FAM135A: variants seen among roughly 807,000 people sequenced by gnomAD.
FAM135A encodes family with sequence similarity 135 member A, also known as protein FAM135A.
FAM135A carries 79 observed loss-of-function variants against 146.8 expected under a neutral mutation model. The observed-to-expected ratio is 0.54, with a 90% CI of 0.45 to 0.65. The LOEUF (loss-of-function observed/expected upper bound fraction) is 0.65. Ranked by LOEUF, FAM135A falls within the 30% of genes least tolerant of loss-of-function variation. The probability of loss-of-function intolerance (pLI) is 0.00; values close to 1 mark genes in which losing one functional copy is unlikely to be tolerated. For missense variants in FAM135A, 1,623 were observed against 1,758.2 expected (o/e 0.92, Z 1.38); for synonymous variants, 562 against 603.6 (o/e 0.93, Z 1.01).
rs202076605 is a variant in FAM135A at position 70,482,042 on chromosome 6, G to C, written c.711G>C (p.Ala237=). The part of the protein sequence containing the change: ...FIIADSFLHH[A]YRFHYTLCAT... Reference sequence around the variant, plus strand: ...TTGCAGACTCCTTCCTACATCATGCGTATCGTTTTCATTATACACTTTGTG... The same window carrying C: ...TTGCAGACTCCTTCCTACATCATGCCTATCGTTTTCATTATACACTTTGTG... Residue 237 remains alanine (A), a synonymous_variant, in exon 10 of 22, where the codon GCG becomes GCC. Transcript: ENST00000418814. 138 of 1,613,554 alleles carry C rather than the reference G, an allele frequency of 8.6e-5. No individual in the cohort carries two copies. In the East Asian group the frequency reaches 1.9e-3, roughly 23 times the overall value.
At chr6:70,451,081 G>A (rs1049294079) in intron 4 of FAM135A, among the ~76,000 whole-genome samples, 3 of 152,002 alleles carry the variant, frequency 2.0e-5, no homozygotes, top group Non-Finnish European at 4.4e-5. Context: ...CGACTATTCA[G>A]AGTATTTTGT....
chr6:70,505,521 TGGG>T (rs967525132), intron 12 of FAM135A, among the ~76,000 whole-genome samples: 1 of 151,688 alleles, frequency 6.6e-6, no homozygotes, highest in African/African-American at 2.4e-5. Context: ...GACACAGTAT[TGGG>T]GGGATACTAC....
At chr6:70,465,427 A>G (rs796997382) in intron 5 of FAM135A, among the ~76,000 whole-genome samples, 7 of 151,890 alleles carry the variant, frequency 4.6e-5, no homozygotes, top group African/African-American at 1.7e-4. Flanking sequence ...TATTTTTATT[A>G]TTTTTATTTT....
At chr6:70,553,396 CT>C (rs1419549422) in intron 20 of FAM135A, among the ~76,000 whole-genome samples, 2 of 152,168 alleles carry the variant, frequency 1.3e-5, no homozygotes, top group Non-Finnish European at 2.9e-5. Context: ...CCAATGTGTC[CT>C]TTATTCTCAA....
intron 12 of FAM135A, 64 bp downstream of exon 12, chr6:70,502,855 T>G: frequency 6.6e-7 from 1 of 1,505,050 alleles, no homozygotes; most frequent in South Asian, 1.3e-5. Context: ...AGAAAATTTT[T>G]ATGAAAACAA....
intron 4 of FAM135A, among the ~76,000 whole-genome samples, chr6:70,446,916 T>G (rs997425286): frequency 6.6e-6 from 1 of 152,260 alleles, no homozygotes; most frequent in African/African-American, 2.4e-5. Flanking sequence ...AATTAGAACT[T>G]GTGCTCCGCA....
At chr6:70,481,187 C>G (rs1783637373) in intron 9 of FAM135A, among the ~76,000 whole-genome samples, 160 bp downstream of exon 9, 1 of 152,080 alleles carries the variant, frequency 6.6e-6, no homozygotes, top group South Asian at 2.1e-4. Flanking sequence ...TTCTAATTGT[C>G]TATTATGAAA....
chr6:70,546,016 C>T (rs1456684276), intron 20 of FAM135A, among the ~76,000 whole-genome samples: 1 of 151,846 alleles, frequency 6.6e-6, no homozygotes, highest in Admixed American at 6.6e-5. Flanking sequence ...AAACAAGTCT[C>T]TCGAACTATT....
At chr6:70,430,917 C>T (rs1177324350) in intron 4 of FAM135A, among the ~76,000 whole-genome samples, 1 of 152,078 alleles carries the variant, frequency 6.6e-6, no homozygotes. Context: ...TAGGAGCAAC[C>T]AGTTGGCGTT....
intron 12 of FAM135A, among the ~76,000 whole-genome samples, chr6:70,507,568 TACTTG>T (rs1172952568): frequency 6.6e-6 from 1 of 152,172 alleles, no homozygotes; most frequent in East Asian, 1.9e-4. Flanking sequence ...TGTAAATCTA[TACTTG>T]AAAAGAACAA....
chr6:70,467,327 T>A (rs944509181), intron 5 of FAM135A, among the ~76,000 whole-genome samples: 12 of 151,728 alleles, frequency 7.9e-5, no homozygotes, highest in African/African-American at 1.9e-4. Context: ...AAAAAAAAAA[T>A]GACTGATTTT....
chr6:70,429,828 T>C (rs1771095325), intron 4 of FAM135A, among the ~76,000 whole-genome samples: 1 of 151,484 alleles, frequency 6.6e-6, no homozygotes, highest in African/African-American at 2.4e-5. Flanking sequence ...TAACTCAAGA[T>C]ATAAATCTGG....
chr6:70,533,827 T>C lies in FAM135A; in HGVS notation c.3938T>C (p.Ile1313Thr). Residue 1313 changes from isoleucine (I) to threonine (T), a missense_variant, in exon 18 of 22, where the codon ATA (isoleucine) becomes ACA (threonine). Around this residue, in one of 7 missense-constraint regions of FAM135A, gnomAD observed 1,061 missense variants for 1,113.8 expected, o/e 0.95. Coordinates refer to ENST00000418814, the MANE Select transcript of FAM135A (RefSeq NM_001162529.3). ...LLDEIIQYIQ[I>T]YSLTVSKISF... Reference sequence around the variant, plus strand: ...GATGAGATAATACAGTATATTCAGATATATAGTCTAACAGTCTCAAAAATA... The same window carrying C: ...GATGAGATAATACAGTATATTCAGACATATAGTCTAACAGTCTCAAAAATA... 6.4e-7 allele frequency: 1 copy of C among 1,555,182 alleles called. No individual in the cohort carries two copies. The highest frequency in any genetic ancestry group is 8.7e-7 in the Non-Finnish European group (1 of 1,151,812).
intron 10 of FAM135A, among the ~76,000 whole-genome samples, chr6:70,482,641 A>G (rs960525764): frequency 6.6e-6 from 1 of 152,146 alleles, no homozygotes; most frequent in Non-Finnish European, 1.5e-5. Flanking sequence ...TTAACATTTT[A>G]AAAATCATTG....
intron 17 of FAM135A, among the ~76,000 whole-genome samples, chr6:70,533,521 G>A (rs1377510398): frequency 6.6e-6 from 1 of 152,072 alleles, no homozygotes; most frequent in East Asian, 1.9e-4. Context: ...CATACTGGTA[G>A]TGAGCTAAAC....
At chr6:70,414,142 G>GT (rs1766954202) in intron 1 of FAM135A, 1 of 663,478 alleles carries the variant, frequency 1.5e-6, no homozygotes, top group Admixed American at 6.3e-5. Flanking sequence ...GGGAAGCAGC[G>GT]TATCTCTGTG....
intron 12 of FAM135A, chr6:70,504,539 G>A (rs894536259): frequency 6.6e-6 from 1 of 152,114 alleles, no homozygotes; most frequent in Non-Finnish European, 1.5e-5. Context: ...AAAAGATGGA[G>A]ATTTTTCAAT....
intron 12 of FAM135A, 104 bp downstream of exon 12, chr6:70,502,895 C>A: frequency 1.7e-6 from 2 of 1,148,576 alleles, no homozygotes; most frequent in Non-Finnish European, 2.4e-6. Flanking sequence ...ATTGATAAAT[C>A]AGAAAAGAGA....
chr6:70,522,707 A>C lies in FAM135A; in HGVS notation c.1103+121A>C. 5.5e-6 allele frequency: 4 copies of C among 724,618 alleles called. No homozygotes were observed. The East Asian group carries it at 1.1e-4, about 20-fold the overall frequency. The allele number at this position is 724,618 out of a possible 1,614,324, so 44.9% of individuals were successfully genotyped here. A position where few individuals can be genotyped will look rare whatever the true frequency, so the allele number is the denominator to read the frequency against. On this transcript the variant is annotated intron_variant, in intron 13 of 21. Transcript: ENST00000418814. ...CAATATAAGAAATTAGGAGAATTTG[A>C]ATTTCAGAAATCCCATCTATAATCA...
Sources: allele counts gnomAD v4.1 joint callset (sites outside exome capture counted in the v4.1 genomes callset), GRCh38; gene constraint gnomAD v4.1.1; regional missense constraint gnomAD v4.1.1; transcripts MANE v1.5; gene names NCBI Gene and HGNC (gene_info 2026-07-23, HGNC 2026-07-21).